ADD3: variants seen among roughly 807,000 people sequenced by gnomAD.
ADD3 encodes gamma-adducin.
ADD3 carries 25 observed loss-of-function variants against 80.2 expected under a neutral mutation model. The ratio of observed to expected loss-of-function variants is 0.31; its 90% CI spans 0.23 to 0.44. The LOEUF (loss-of-function observed/expected upper bound fraction) is 0.44, where lower values mean the gene tolerates loss of function less well. Ranked by LOEUF, ADD3 falls within the 20% of genes least tolerant of loss-of-function variation. ADD3 has a pLI of 1.00. For missense variants in ADD3, 829 were observed against 847.5 expected, an observed-to-expected ratio of 0.98 and a Z score of 0.27; for synonymous variants, 284 against 289.6, an observed-to-expected ratio of 0.98 and a Z score of 0.20.
chr10:110,061,703 C>G (rs1858911560), intron 1 of ADD3, among the ~76,000 whole-genome samples: 1 of 152,122 alleles, frequency 6.6e-6, no homozygotes, highest in Non-Finnish European at 1.5e-5. Flanking sequence ...CATAATCATC[C>G]TTGTAAATTT....
intron 1 of ADD3, chr10:110,016,305 C>T (rs1374970946): frequency 6.6e-6 from 1 of 152,180 alleles, no homozygotes; most frequent in Non-Finnish European, 1.5e-5. Flanking sequence ...TTGACAGGAT[C>T]TTAGTACCAA....
At position 110,122,189 on chromosome 10, in the gene ADD3, C is replaced by T; in HGVS notation, c.1040C>T (p.Thr347Ile). The T allele has an allele frequency of 6.2e-7, 1 of 1,614,174 alleles. No individual in the cohort carries two copies. The change falls in exon 9 of 15, where the codon ACT (threonine) becomes ATT (isoleucine). Residue 347 changes from threonine (T) to isoleucine (I), a missense_variant. By Grantham distance (89) the Thr-to-Ile change is moderately conservative. Transcript: ENST00000356080. Reference protein sequence around the residue: ...DFQKYKAFTYTVAASGGGGVN... With the variant: ...DFQKYKAFTYIVAASGGGGVN... ...CAGAAGTATAAAGCTTTCACTTACA[C>T]TGTAGCAGCGTCTGGTGGAGGAGGT...
intron 2 of ADD3, among the ~76,000 whole-genome samples, chr10:110,103,690 A>G (rs1849094622): frequency 1.3e-5 from 2 of 151,882 alleles, no homozygotes; most frequent in South Asian, 2.1e-4. Flanking sequence ...AGAATTGTCC[A>G]CTCTCTGGTT....
intron 12 of ADD3, among the ~76,000 whole-genome samples, chr10:110,130,079 T>C (rs56114191): frequency 0.016 from 2,380 of 152,344 alleles, 45 homozygotes; most frequent in Non-Finnish European, 0.02. Context: ...GTGAAACTTA[T>C]TAGAACTTGG....
upstream of ADD3, among the ~76,000 whole-genome samples, chr10:110,001,399 A>G (rs1312389575): frequency 1.4e-5 from 2 of 139,692 alleles, no homozygotes; most frequent in Non-Finnish European, 3.2e-5. Flanking sequence ...TGAGAGACAG[A>G]GTAAGACCCT....
chr10:110,077,957 G>GT (rs1219742723), intron 1 of ADD3, among the ~76,000 whole-genome samples: 1 of 152,034 alleles, frequency 6.6e-6, no homozygotes, highest in African/African-American at 2.4e-5. Flanking sequence ...GTACACTTTG[G>GT]GTAGACACTC....
intron 1 of ADD3, among the ~76,000 whole-genome samples, chr10:110,018,705 A>G (rs566166046): frequency 1.3e-5 from 2 of 152,212 alleles, no homozygotes; most frequent in East Asian, 3.9e-4. Context: ...GCATGATGGG[A>G]GATAGTTTAT....
At chr10:110,041,637 T>C (rs945485078) in intron 1 of ADD3, among the ~76,000 whole-genome samples, 1 of 152,204 alleles carries the variant, frequency 6.6e-6, no homozygotes, top group African/African-American at 2.4e-5. Flanking sequence ...TTATGGGCAA[T>C]TTCCACTGCT....
At chr10:110,111,552 C>T (rs74154982) in intron 2 of ADD3, among the ~76,000 whole-genome samples, 1,616 of 152,256 alleles carry the variant, frequency 0.011, 32 homozygotes, top group African/African-American at 0.038. Flanking sequence ...GCCACTACCT[C>T]ACCCACCCCA....
chr10:110,028,392 C>T (rs753636111), intron 1 of ADD3, among the ~76,000 whole-genome samples: 15 of 151,590 alleles, frequency 9.9e-5, no homozygotes, highest in Middle Eastern at 3.2e-3. Context: ...TGGCCAACCT[C>T]ATCCCTACTA....
chr10:110,055,789 G>A (rs1443426583), intron 1 of ADD3, among the ~76,000 whole-genome samples: 10 of 152,146 alleles, frequency 6.6e-5, no homozygotes, highest in Non-Finnish European at 1.5e-5. Context: ...AGCATAAAAT[G>A]AAATGAAGGA....
intron 12 of ADD3, among the ~76,000 whole-genome samples, chr10:110,129,152 T>G (rs7914463): frequency 0.12 from 17,549 of 144,022 alleles, 3,367 homozygotes; most frequent in African/African-American, 0.43. Context: ...CTTTCTTTCT[T>G]TTTTTTTTTT....
intron 1 of ADD3, among the ~76,000 whole-genome samples, chr10:110,071,016 A>T (rs1247755249): frequency 7.1e-6 from 1 of 141,320 alleles, no homozygotes; most frequent in Non-Finnish European, 1.5e-5. Context: ...TTTGCCTCCT[A>T]CCTATCCAAC....
rs1189793476 is a variant in ADD3, at chr10:110,073,138, C to CTTTTTT, written c.-29-27471_-29-27466dup. Among the ~76,000 whole-genome samples the CTTTTTT allele has an allele frequency of 5.3e-4, 50 of 94,184 alleles. 1 individual carries two copies. The highest frequency in any genetic ancestry group is 8.8e-4 in the East Asian group (3 of 3,408). 61.8% of individuals were successfully genotyped at this position (94,184 alleles called of 152,430 possible). ...CTTAACCTCTTTGAGTTTTAGTTTT[C>CTTTTTT]TTTTTTTTTTTTTTTTTTTTTCGAG... On this transcript the variant is annotated intron_variant, in intron 1 of 14. Coordinates refer to ENST00000356080, the MANE Select transcript of ADD3 (RefSeq NM_016824.5).
chr10:110,003,179 G>A (rs1851519968), upstream of ADD3, among the ~76,000 whole-genome samples: 1 of 152,090 alleles, frequency 6.6e-6, no homozygotes, highest in African/African-American at 2.4e-5. Context: ...AAATTTTGGG[G>A]GGGTGGGATA....
At chr10:110,061,324 G>A (rs1272884997) in intron 1 of ADD3, among the ~76,000 whole-genome samples, 1 of 152,194 alleles carries the variant, frequency 6.6e-6, no homozygotes, top group African/African-American at 2.4e-5. Context: ...TTTTATTGGT[G>A]TAGTGCAGCC....
At chr10:110,038,186 A>G (rs777146911) in intron 1 of ADD3, among the ~76,000 whole-genome samples, 5 of 151,984 alleles carry the variant, frequency 3.3e-5, no homozygotes, top group Admixed American at 6.6e-5. Context: ...TAGGTTATCT[A>G]TGCTTTATTA....
upstream of ADD3, among the ~76,000 whole-genome samples, chr10:110,005,121 G>C (rs1270262543): frequency 6.6e-6 from 1 of 151,936 alleles, no homozygotes; most frequent in Non-Finnish European, 1.5e-5. Context: ...GGAGTGCAGT[G>C]GCGCGATCTT....
intron 1 of ADD3, among the ~76,000 whole-genome samples, chr10:110,024,930 CTTTTTTTTTT>C (rs769862106): frequency 7.1e-6 from 1 of 141,480 alleles, no homozygotes; most frequent in Admixed American, 7.1e-5. Context: ...CTCCTCTTTT[CTTTTTTTTTT>C]TTTTGGAGAC....
Sources: gnomAD v4.1 joint callset for allele counts (sites outside exome capture counted in the v4.1 genomes callset) on GRCh38, gnomAD v4.1.1 for gene constraint, MANE v1.5 for transcripts, NCBI Gene and HGNC (gene_info 2026-07-23, HGNC 2026-07-21) for gene names.